The following SLC44A5 variants were observed in gnomAD, a reference collection of about 807,000 sequenced individuals.
SLC44A5 encodes the protein solute carrier family 44 member 5.
In SLC44A5, 57 loss-of-function variants were observed where a neutral mutation model predicts 101.8. The ratio of observed to expected loss-of-function variants is 0.56; its 90% CI spans 0.45 to 0.70. The LOEUF (loss-of-function observed/expected upper bound fraction) is 0.70, where lower values mean the gene tolerates loss of function less well. Among genes scored for constraint, SLC44A5 ranks in the 30% least tolerant of loss-of-function variants. The pLI is 0.00. For synonymous variants in SLC44A5, 281 were observed against 290.9 expected (o/e 0.97, Z 0.35); for missense variants, 737 against 853.1 (o/e 0.86, Z 1.70).
intron 3 of SLC44A5, among the ~76,000 whole-genome samples, chr1:75,351,086 G>A (rs76750878): frequency 0.19 from 29,127 of 149,930 alleles, 3,031 homozygotes; most frequent in Non-Finnish European, 0.24. Context: ...AGCAAAACTC[G>A]CAATTACTTT....
At chr1:75,476,363 C>T (rs981792555) in intron 2 of SLC44A5, among the ~76,000 whole-genome samples, 6 of 152,112 alleles carry the variant, frequency 3.9e-5, no homozygotes, top group Non-Finnish European at 5.9e-5. Context: ...TCTGAGGTAC[C>T]GGGTTCATCT....
intron 2 of SLC44A5, among the ~76,000 whole-genome samples, chr1:75,497,408 T>A (rs923254398): frequency 3.9e-5 from 6 of 152,126 alleles, no homozygotes; most frequent in Non-Finnish European, 8.8e-5. Flanking sequence ...CTGCATAATC[T>A]CACTTATTTG....
At chr1:75,696,713 G>A in the SLC44A5 span, among the ~76,000 whole-genome samples, 1 of 151,374 alleles carries the variant, frequency 6.6e-6, no homozygotes, top group Non-Finnish European at 1.5e-5. Context: ...GGCTAACATG[G>A]TGAAACCCCG....
intron 2 of SLC44A5, among the ~76,000 whole-genome samples, chr1:75,445,516 A>AATATATGTATATATTACATAATATATAC (rs1557791590): frequency 8.1e-6 from 1 of 123,656 alleles, no homozygotes; most frequent in African/African-American, 2.9e-5. Flanking sequence ...CACACAATAT[A>AATATATGTATATATTACATAATATATAC]ATATATGTAT....
chr1:75,475,061 A>C (rs1289545306), intron 2 of SLC44A5, among the ~76,000 whole-genome samples: 1 of 152,224 alleles, frequency 6.6e-6, no homozygotes, highest in Non-Finnish European at 1.5e-5. Flanking sequence ...AAGTGAAATG[A>C]GGAGCCTGAA....
intron 3 of SLC44A5, among the ~76,000 whole-genome samples, chr1:75,383,181 A>C (rs1322924851): frequency 1.1e-5 from 1 of 90,696 alleles, no homozygotes; most frequent in South Asian, 4.8e-4. Flanking sequence ...ATTGTCTATG[A>C]TGCAAAGACC....
intron 2 of SLC44A5, among the ~76,000 whole-genome samples, chr1:75,503,593 A>G (rs1229733300): frequency 2.6e-5 from 4 of 152,178 alleles, no homozygotes; most frequent in Non-Finnish European, 4.4e-5. Context: ...ACCTAGTCTC[A>G]GGTAGTTCTT....
intron 1 of SLC44A5, among the ~76,000 whole-genome samples, chr1:75,595,416 C>A (rs1365258078): frequency 6.6e-6 from 1 of 150,896 alleles, no homozygotes; most frequent in African/African-American, 2.4e-5. Flanking sequence ...ATTATTTATT[C>A]CCTGTGGATC....
At chr1:75,384,754 A>C (rs1661177937) in intron 3 of SLC44A5, among the ~76,000 whole-genome samples, 1 of 138,176 alleles carries the variant, frequency 7.2e-6, no homozygotes, top group Non-Finnish European at 1.6e-5. Context: ...CAGAATATAC[A>C]TTTTTTTCAG....
At chr1:75,485,996 T>A (rs1485065245) in intron 2 of SLC44A5, among the ~76,000 whole-genome samples, 1 of 152,168 alleles carries the variant, frequency 6.6e-6, no homozygotes, top group Non-Finnish European at 1.5e-5. Context: ...TCTTCCAACA[T>A]GTGGAGATTA....
intron 2 of SLC44A5, among the ~76,000 whole-genome samples, chr1:75,441,888 G>A (rs1665226118): frequency 6.6e-6 from 1 of 152,084 alleles, no homozygotes; most frequent in Non-Finnish European, 1.5e-5. Context: ...AAAACCACAA[G>A]TAATGTATAA....
At chr1:75,491,707 A>C (rs1008604372) in intron 2 of SLC44A5, among the ~76,000 whole-genome samples, 5 of 151,190 alleles carry the variant, frequency 3.3e-5, no homozygotes, top group African/African-American at 1.2e-4. Context: ...TTGTGCATAC[A>C]TACACACACA....
At chr1:75,470,835 C>T (rs1179024794) in intron 2 of SLC44A5, among the ~76,000 whole-genome samples, 2 of 152,118 alleles carry the variant, frequency 1.3e-5, no homozygotes, top group Non-Finnish European at 1.5e-5. Context: ...GCCATCCTGC[C>T]ATCCCTTTTA....
rs143792742 is a variant in SLC44A5, at chr1:75,330,513, G to A, written c.101+9069C>T. ...GTTCAAAGTCCCTGCTTCCATTGTAGGCAAGACTCTCCAATTGTGTTCTGG... is the reference window on the plus strand; with the variant it reads ...GTTCAAAGTCCCTGCTTCCATTGTAAGCAAGACTCTCCAATTGTGTTCTGG... On this transcript the variant is annotated intron_variant, in intron 4 of 23. Coordinates refer to ENST00000370859, the MANE Select transcript of SLC44A5 (RefSeq NM_001130058.2). 1.7e-3 allele frequency among the ~76,000 whole-genome samples: 262 copies of A among 152,120 alleles called. 2 individuals are homozygous for A. Among genetic ancestry groups the A allele is most frequent in the African/African-American group, 6.0e-3 (247 of 41,470 alleles).
the SLC44A5 span, among the ~76,000 whole-genome samples, chr1:75,635,586 C>T: frequency 7.6e-5 from 11 of 144,052 alleles, no homozygotes; most frequent in African/African-American, 2.9e-4. Flanking sequence ...TGTTCTCACT[C>T]ATAGGTGGGA....
intron 3 of SLC44A5, among the ~76,000 whole-genome samples, chr1:75,383,222 C>A (rs1236939986): frequency 8.6e-6 from 1 of 116,344 alleles, no homozygotes; most frequent in African/African-American, 3.4e-5. Flanking sequence ...CTGACCCTCT[C>A]CCCACAATTG....
At chr1:75,569,099 G>A (rs569847279) in intron 1 of SLC44A5, among the ~76,000 whole-genome samples, 10 of 152,112 alleles carry the variant, frequency 6.6e-5, no homozygotes, top group South Asian at 6.2e-4. Flanking sequence ...CCCTAGGAAC[G>A]TCCAGCCCCA....
chr1:75,446,536 C>A (rs1456815344), intron 2 of SLC44A5, among the ~76,000 whole-genome samples: 3 of 151,996 alleles, frequency 2.0e-5, no homozygotes, highest in Admixed American at 2.0e-4. Flanking sequence ...TTCTTGATTG[C>A]ATGGATGTTA....
chr1:75,501,913 C>A (rs1668980629), intron 2 of SLC44A5, among the ~76,000 whole-genome samples: 1 of 152,176 alleles, frequency 6.6e-6, no homozygotes, highest in South Asian at 2.1e-4. Context: ...TAAAAACCTG[C>A]TTTCTGTCTA....
Sources: gnomAD v4.1 joint callset for allele counts (sites outside exome capture counted in the v4.1 genomes callset) on GRCh38, gnomAD v4.1.1 for gene constraint, MANE v1.5 for transcripts, NCBI Gene and HGNC (gene_info 2026-07-23, HGNC 2026-07-21) for gene names.